INTS2: variants seen among roughly 807,000 people sequenced by gnomAD.
INTS2 encodes the protein integrator complex subunit 2.
INTS2 carries 57 observed loss-of-function variants against 139.6 expected under a neutral mutation model. The ratio of observed to expected loss-of-function variants is 0.41; its 90% CI spans 0.33 to 0.51. The LOEUF (loss-of-function observed/expected upper bound fraction) is 0.51, where lower values mean the gene tolerates loss of function less well. Among genes scored for constraint, INTS2 ranks in the 20% least tolerant of loss-of-function variants. INTS2 has a pLI of 0.28. For missense variants in INTS2, 1,196 were observed against 1,436.7 expected (o/e 0.83, Z 2.71); for synonymous variants, 473 against 493.4 (o/e 0.96, Z 0.55).
rs1261808899 is a variant in INTS2, at chr17:61,871,959, G to A, written c.2778+306C>T. 4.9e-6 allele frequency: 1 copy of A among 203,138 alleles called. No homozygotes were observed. Among genetic ancestry groups the A allele is most frequent in the African/African-American group, 2.3e-5 (1 of 43,424 alleles). The allele number at this position is 203,138 out of a possible 1,614,324, so 12.6% of individuals were successfully genotyped here. A position where few individuals can be genotyped will look rare whatever the true frequency, so the allele number is the denominator to read the frequency against. ...AAAAAACAAAAAAAACAAAAAAAAT[G>A]TGCCGAATGAATAAACATGTAACTC... is the stretch of plus-strand genomic sequence containing the variant. On this transcript the variant is annotated intron_variant, in intron 20 of 24. Transcript: ENST00000251334. The surrounding 1 kb of genome is among the most constrained non-coding windows in gnomAD (Gnocchi z 4.9).
intron 4 of INTS2, among the ~76,000 whole-genome samples, chr17:61,919,756 T>G (rs1372937304): frequency 6.6e-6 from 1 of 151,972 alleles, no homozygotes; most frequent in Non-Finnish European, 1.5e-5. Context: ...TAAGACAGGG[T>G]CTTGCTTTGT....
chr17:61,926,319 T>A (rs1291366601), intron 2 of INTS2, 33 bp downstream of exon 2: 7 of 1,499,944 alleles, frequency 4.7e-6, no homozygotes, highest in Non-Finnish European at 6.3e-6. Flanking sequence ...CTTTGTCAAA[T>A]CCAAATCCAC....
At chr17:61,900,516 C>T (rs1368558583) in intron 9 of INTS2, among the ~76,000 whole-genome samples, 1 of 152,184 alleles carries the variant, frequency 6.6e-6, no homozygotes, top group Non-Finnish European at 1.5e-5. Flanking sequence ...TTAACCCTCA[C>T]TCTTTAACTT....
At chr17:61,891,316 A>C (rs982014486) in intron 14 of INTS2, among the ~76,000 whole-genome samples, 197 bp downstream of exon 14, 1 of 152,120 alleles carries the variant, frequency 6.6e-6, no homozygotes, top group Non-Finnish European at 1.5e-5. Flanking sequence ...CCATCTCAAA[A>C]AAAAAAGTGC....
rs780080969 is a variant in INTS2, at chr17:61,867,978, A to T, written c.3276T>A (p.Phe1092Leu). ...AGACCAAACTTGGCAGAGTTGGCAT[A>T]AAAAAAGCATACCGCTTAGCCTGTG... The part of the protein sequence containing the change: ...VLTQAKRYAF[F>L]MPTLPSLVSF... The change falls in exon 24 of 25, where the codon TTT becomes TTA. Residue 1092 changes from phenylalanine (F) to leucine (L), a missense_variant. By Grantham distance (22) the Phe-to-Leu change is conservative (BLOSUM62 0). Coordinates refer to ENST00000251334, the MANE Select transcript of INTS2 (RefSeq NM_001351695.2). The surrounding 1 kb of genome is among the most constrained non-coding windows in gnomAD (Gnocchi z 5.6). The T allele has an allele frequency of 1.9e-6, 3 of 1,600,690 alleles. No homozygotes were observed. The highest frequency in any genetic ancestry group is 2.2e-5 in the East Asian group (1 of 44,772).
intron 13 of INTS2, among the ~76,000 whole-genome samples, chr17:61,892,756 C>T (rs2079308068): frequency 1.3e-5 from 2 of 150,856 alleles, no homozygotes; most frequent in Admixed American, 1.3e-4. Flanking sequence ...ACCAGCCTGG[C>T]CAACATGGTG....
chr17:61,889,304 C>G (rs2079265391), intron 15 of INTS2, among the ~76,000 whole-genome samples: 1 of 150,420 alleles, frequency 6.6e-6, no homozygotes. Context: ...CCAGGCTGGT[C>G]TCGAACTCCT....
In INTS2 at chr17:61,925,045, A is replaced by G; in HGVS notation, c.348T>C (p.His116=). 6.2e-7 allele frequency: 1 copy of G among 1,613,852 alleles called. No individual in the cohort carries two copies. The highest frequency in any genetic ancestry group is 8.5e-7 in the Non-Finnish European group (1 of 1,179,766). ...TGTGTTCAAACTCTAACGTCAGTCC[A>G]TGCTGAAGCTGTGATACCAGGATGC... ...GESILVSQLQ[H]GLTLEFEHSD... Residue 116 remains histidine (H), a synonymous_variant, in exon 3 of 25, where the codon CAT becomes CAC. Coordinates refer to ENST00000251334, the MANE Select transcript of INTS2 (RefSeq NM_001351695.2).
chr17:61,907,718 A>G, intron 7 of INTS2, 84 bp from the exon 8 acceptor site: 1 of 1,023,710 alleles, frequency 9.8e-7, no homozygotes, highest in Non-Finnish European at 1.4e-6. Flanking sequence ...CACCCCACTT[A>G]AACACTTTCA....
intron 3 of INTS2, among the ~76,000 whole-genome samples, chr17:61,922,734 A>C (rs1342544581): frequency 6.6e-6 from 1 of 151,954 alleles, no homozygotes; most frequent in Non-Finnish European, 1.5e-5. Flanking sequence ...AGAGTCACCA[A>C]GTGAGGTATT....
chr17:61,885,174 A>G, intron 15 of INTS2, 169 bp from the exon 16 acceptor site: 1 of 594,808 alleles, frequency 1.7e-6, no homozygotes, highest in Non-Finnish European at 3.0e-6. Flanking sequence ...GTGGCTACAC[A>G]GGAAGAACAA....
rs1165584404 is a variant in INTS2, at chr17:61,893,734, CTTTTA to C, written c.1698+26_1698+30del. 2.0e-6 allele frequency: 3 copies of C among 1,485,668 alleles called. No individual in the cohort carries two copies. The highest frequency in any genetic ancestry group is 1.8e-4 in the Middle Eastern group (1 of 5,680). The allele number at this position is 1,485,668 out of a possible 1,614,324, so 92.0% of individuals were successfully genotyped here. A position where few individuals can be genotyped will look rare whatever the true frequency, so the allele number is the denominator to read the frequency against. On this transcript the variant is annotated intron_variant, in intron 13 of 24. Coordinates refer to ENST00000251334, the MANE Select transcript of INTS2 (RefSeq NM_001351695.2). This position sits in a 1 kb window ranked among gnomAD's most constrained non-coding sequence, Gnocchi z 5.4. The stretch of plus-strand genomic sequence containing the variant: ...ATATATATAAAAATGTAGGGGCATG[CTTTTA>C]TTTTGTTTTATTTGTAGGGGCATAC...
intron 17 of INTS2, among the ~76,000 whole-genome samples, chr17:61,878,831 T>C (rs2079148623): frequency 6.9e-6 from 1 of 144,998 alleles, no homozygotes; most frequent in Non-Finnish European, 1.5e-5. Flanking sequence ...TACCAGGTAC[T>C]CGAGAGGAAG....
rs1244623625 is a variant in INTS2, at chr17:61,876,508, A to C, written c.2456+1379T>G. On this transcript the variant is annotated intron_variant, in intron 18 of 24. Transcript: ENST00000251334. This position sits in a 1 kb window ranked among gnomAD's most constrained non-coding sequence, Gnocchi z 4.1. ...GACAGGGTTTCAGTGGCACGATCTC[A>C]CCTCACTGAAGCCTCCATCTCCTGG... Among the ~76,000 whole-genome samples, 2 of 151,846 alleles carry C rather than the reference A, an allele frequency of 1.3e-5. No individual in the cohort carries two copies. The highest frequency in any genetic ancestry group is 2.9e-5 in the Non-Finnish European group (2 of 67,932).
chr17:61,927,948 C>G lies in INTS2; in HGVS notation c.-313G>C, dbSNP rs747408039. 1 of 1,613,982 alleles carries G rather than the reference C, an allele frequency of 6.2e-7. No individual in the cohort carries two copies. The highest frequency in any genetic ancestry group is 1.7e-5 in the Admixed American group (1 of 60,014). Reference sequence around the variant, plus strand: ...TGCACCCAGCACCTTCATTCATCCCCAGCGTCTGACTCCCGTCGGCCACCG... The same window carrying G: ...TGCACCCAGCACCTTCATTCATCCCGAGCGTCTGACTCCCGTCGGCCACCG... On this transcript the variant is annotated 5_prime_UTR_variant, in exon 1 of 25. Transcript: ENST00000251334.
In INTS2 at chr17:61,867,591, A is replaced by G; in HGVS notation, c.3557T>C (p.Ile1186Thr). ...QLCHCIERTV[I>T]EIINMSVSGI The stretch of plus-strand genomic sequence containing the variant: ...ACTAACACTCATATTTATTATTTCA[A>G]TTACTGTTCTTTCAATACAGTGACA... Residue 1186 changes from isoleucine (I) to threonine (T), a missense_variant, in exon 25 of 25, where the codon ATT becomes ACT. Around this residue, in one of 3 missense-constraint regions of INTS2, gnomAD observed 1,129 missense variants for 1,341.9 expected, o/e 0.84. Coordinates refer to ENST00000251334, the MANE Select transcript of INTS2 (RefSeq NM_001351695.2). This position sits in a 1 kb window ranked among gnomAD's most constrained non-coding sequence, Gnocchi z 5.6. 1 of 1,607,950 alleles carries G rather than the reference A, an allele frequency of 6.2e-7. No individual in the cohort carries two copies. The highest frequency in any genetic ancestry group is 2.2e-5 in the East Asian group (1 of 44,788).
chr17:61,895,323 T>C lies in INTS2; in HGVS notation c.1555A>G (p.Thr519Ala). The C allele has an allele frequency of 1.3e-6, 2 of 1,571,342 alleles. No homozygotes were observed. Among genetic ancestry groups the C allele is most frequent in the African/African-American group, 1.4e-5 (1 of 72,746 alleles). ...AGAATAAAAAGAAATACCTGCTCAG[T>C]AAAAATTTCCTGTGTGAAGATTGTC... ...MKTIFTQEIFTEQVVTAHAVR... is the reference protein window; with the variant it reads ...MKTIFTQEIFAEQVVTAHAVR... The change falls in exon 12 of 25, where the codon ACT (threonine) becomes GCT (alanine). Residue 519 changes from threonine to alanine, a missense_variant. By Grantham distance (58) the Thr-to-Ala change is moderately conservative (BLOSUM62 0). This residue lies in a region of INTS2 where 1,129 missense variants were observed against 1,341.9 expected (regional missense o/e 0.84). Transcript: ENST00000251334.
At chr17:61,926,699 C>A (rs759427811) in intron 1 of INTS2, 37 bp from the exon 2 acceptor site, 5 of 1,519,830 alleles carry the variant, frequency 3.3e-6, no homozygotes, top group Non-Finnish European at 4.5e-6. Context: ...AGGAGTTTAA[C>A]TTTCACATGT....
intron 3 of INTS2, among the ~76,000 whole-genome samples, chr17:61,922,692 A>C (rs1012654313): frequency 1.3e-5 from 2 of 151,764 alleles, no homozygotes; most frequent in Admixed American, 1.3e-4. Context: ...AAAATTGGAA[A>C]TCTCCCAGAG....
Sources: gnomAD v4.1 joint callset for allele counts (sites outside exome capture counted in the v4.1 genomes callset) on GRCh38, gnomAD v4.1.1 for gene constraint, gnomAD v4.1.1 regional missense constraint, Gnocchi (gnomAD v3.1) non-coding constraint, MANE v1.5 for transcripts, NCBI Gene and HGNC (gene_info 2026-07-23, HGNC 2026-07-21) for gene names.